ACCSL: variants seen among roughly 807,000 people sequenced by gnomAD.
ACCSL encodes the protein 1-aminocyclopropane-1-carboxylate synthase homolog (inactive) like, also known as probable inactive 1-aminocyclopropane-1-carboxylate synthase-like protein 2.
Under a neutral mutation model 61.7 loss-of-function variants are expected in ACCSL, and 55 were observed. That is an observed-to-expected ratio of 0.89 (90% CI 0.72 to 1.12). The LOEUF (loss-of-function observed/expected upper bound fraction) is 1.12, where lower values mean the gene tolerates loss of function less well. Among genes scored for constraint, ACCSL ranks in the 50% most tolerant of loss-of-function variants. ACCSL has a pLI of 0.00. For missense variants in ACCSL, 632 were observed against 698.0 expected (o/e 0.91, Z 1.07); for synonymous variants, 258 against 264.3 (o/e 0.98, Z 0.23).
chr11:43,980,434 G>A, the ACCSL span, among the ~76,000 whole-genome samples: 39,879 of 152,090 alleles, frequency 0.26, 5,573 homozygotes, highest in Non-Finnish European at 0.32. Context: ...GATCTTATCA[G>A]TCTTTAAAAA....
At chr11:44,017,826 GGA>G in the ACCSL span, among the ~76,000 whole-genome samples, 66,425 of 150,720 alleles carry the variant, frequency 0.44, 15,240 homozygotes, top group Non-Finnish European at 0.49. Flanking sequence ...ACTGACCCTG[GGA>G]GAGAGAGAGA....
At chr11:44,051,283 G>A in intron 3 of ACCSL, 52 bp from the exon 4 acceptor site, 1 of 1,582,748 alleles carries the variant, frequency 6.3e-7, no homozygotes, top group Admixed American at 1.7e-5. Flanking sequence ...TCTAGACCAT[G>A]AGTGAGGAAA....
the ACCSL span, among the ~76,000 whole-genome samples, chr11:43,969,104 T>C: frequency 6.6e-6 from 1 of 152,210 alleles, no homozygotes; most frequent in Non-Finnish European, 1.5e-5. Flanking sequence ...ATCTCAGCAC[T>C]TTGGGATGCC....
the ACCSL span, among the ~76,000 whole-genome samples, chr11:44,038,701 C>T: frequency 6.6e-6 from 1 of 152,158 alleles, no homozygotes; most frequent in African/African-American, 2.4e-5. Context: ...ATTTGCCACA[C>T]TGAAGAGCTT....
the ACCSL span, among the ~76,000 whole-genome samples, chr11:44,009,056 T>A: frequency 6.6e-6 from 1 of 152,096 alleles, no homozygotes; most frequent in Non-Finnish European, 1.5e-5. Flanking sequence ...TGGTCCCAGC[T>A]ACCCGGGACG....
chr11:44,010,247 G>A, the ACCSL span, among the ~76,000 whole-genome samples: 1 of 152,180 alleles, frequency 6.6e-6, no homozygotes, highest in African/African-American at 2.4e-5. Flanking sequence ...GGCTGAGGCA[G>A]GAGAATTGCT....
the ACCSL span, among the ~76,000 whole-genome samples, chr11:43,974,538 G>A: frequency 3.3e-5 from 5 of 152,278 alleles, no homozygotes; most frequent in Middle Eastern, 3.4e-3. Flanking sequence ...CAGGTTGCAG[G>A]TGGACATACC....
At chr11:43,987,052 C>T in the ACCSL span, among the ~76,000 whole-genome samples, 2 of 152,166 alleles carry the variant, frequency 1.3e-5, no homozygotes, top group Non-Finnish European at 1.5e-5. Flanking sequence ...GGGCCTGGGA[C>T]CCTGGCTGCT....
upstream of ACCSL, among the ~76,000 whole-genome samples, chr11:44,044,532 C>T (rs1044383806): frequency 1.3e-5 from 2 of 152,074 alleles, no homozygotes; most frequent in Non-Finnish European, 2.9e-5. Flanking sequence ...CTTACATGCA[C>T]ATGAAGACGA....
At chr11:43,969,201 A>C in the ACCSL span, among the ~76,000 whole-genome samples, 1 of 151,988 alleles carries the variant, frequency 6.6e-6, no homozygotes, top group East Asian at 1.9e-4. Context: ...AAACAAAAAC[A>C]AAAACAAAAA....
chr11:44,001,742 G>A, the ACCSL span, among the ~76,000 whole-genome samples: 1 of 151,146 alleles, frequency 6.6e-6, no homozygotes, highest in South Asian at 2.1e-4. Flanking sequence ...TCATGGATGG[G>A]GTGGGAGCAG....
the ACCSL span, among the ~76,000 whole-genome samples, chr11:44,011,671 CA>C: frequency 1.3e-5 from 2 of 151,966 alleles, no homozygotes; most frequent in African/African-American, 4.8e-5. Context: ...CCTCCCCAAC[CA>C]AAAAAATGCT....
At chr11:44,057,595 G>A (rs945645052) in intron 11 of ACCSL, among the ~76,000 whole-genome samples, 1 of 152,204 alleles carries the variant, frequency 6.6e-6, no homozygotes, top group Non-Finnish European at 1.5e-5. Flanking sequence ...TGAATGCAGA[G>A]GGCAACTGGC....
rs562116305 is a variant in ACCSL at position 44,053,818 on chromosome 11, T to C, written c.1049+312T>C. On this transcript the variant is annotated intron_variant, in intron 8 of 13. Coordinates refer to ENST00000378832, the MANE Select transcript of ACCSL (RefSeq NM_001031854.2). ...AGGAGGTTGCAGTGAGCCGAGATCA[T>C]GCCACTGTACTCCAGCCTAGGCAAT... Among the ~76,000 whole-genome samples the C allele has an allele frequency of 5.3e-5, 8 of 152,288 alleles. No homozygotes were observed. In the South Asian group the frequency reaches 1.7e-3, roughly 32 times the overall value.
upstream of ACCSL, among the ~76,000 whole-genome samples, chr11:44,045,425 G>A (rs1440125508): frequency 6.6e-6 from 1 of 152,110 alleles, no homozygotes; most frequent in Non-Finnish European, 1.5e-5. Context: ...GGGCGAGAGA[G>A]TGAGATTCTG....
chr11:44,036,447 G>A, the ACCSL span, among the ~76,000 whole-genome samples: 1 of 152,150 alleles, frequency 6.6e-6, no homozygotes, highest in Non-Finnish European at 1.5e-5. Flanking sequence ...TGAATTGTTG[G>A]GAGGCCCGTT....
At chr11:44,044,264 C>CT (rs953034697), upstream of ACCSL, among the ~76,000 whole-genome samples, 1 of 152,114 alleles carries the variant, frequency 6.6e-6, no homozygotes, top group African/African-American at 2.4e-5. Flanking sequence ...AAATGGGAGG[C>CT]TTGGGGTTTA....
the ACCSL span, among the ~76,000 whole-genome samples, chr11:44,018,778 G>A: frequency 6.6e-6 from 1 of 152,162 alleles, no homozygotes; most frequent in East Asian, 1.9e-4. Context: ...GACCAGCCTG[G>A]ACAGCATACT....
At chr11:43,967,721 A>G in the ACCSL span, among the ~76,000 whole-genome samples, 1 of 152,048 alleles carries the variant, frequency 6.6e-6, no homozygotes, top group Non-Finnish European at 1.5e-5. Flanking sequence ...TGCCTTTAGT[A>G]TCTTTGTATT....
Sources: allele counts gnomAD v4.1 joint callset (sites outside exome capture counted in the v4.1 genomes callset), GRCh38; gene constraint gnomAD v4.1.1; transcripts MANE v1.5; gene names NCBI Gene and HGNC (gene_info 2026-07-23, HGNC 2026-07-21).